EYA2: variants seen among roughly 807,000 people sequenced by gnomAD.
EYA2 encodes protein phosphatase EYA2.
EYA2 carries 31 observed loss-of-function variants against 69.2 expected under a neutral mutation model. That is an observed-to-expected ratio of 0.45 (90% CI 0.34 to 0.60). The LOEUF is 0.60. EYA2 is among the 20% of genes least tolerant of loss of function. The pLI is 0.02. For missense variants in EYA2, 622 were observed against 701.2 expected, an observed-to-expected ratio of 0.89 and a Z score of 1.28; for synonymous variants, 257 against 279.4, an observed-to-expected ratio of 0.92 and a Z score of 0.80.
intron 1 of EYA2, among the ~76,000 whole-genome samples, chr20:46,912,511 A>G (rs936518559): frequency 6.6e-6 from 1 of 152,152 alleles, no homozygotes; most frequent in Non-Finnish European, 1.5e-5. Flanking sequence ...GCAAGCAGCT[A>G]TGTACAAAAC....
At chr20:46,905,864 T>C (rs1269170585) in intron 1 of EYA2, among the ~76,000 whole-genome samples, 1 of 152,198 alleles carries the variant, frequency 6.6e-6, no homozygotes, top group African/African-American at 2.4e-5. Flanking sequence ...ACTGTGGAAT[T>C]GGACCCATTC....
chr20:47,022,655 C>CCTTT (rs1983823906), intron 5 of EYA2, among the ~76,000 whole-genome samples: 1 of 105,592 alleles, frequency 9.5e-6, no homozygotes. Context: ...TAAACTTCAC[C>CCTTT]TTTTTTTTTT....
In EYA2 at chr20:47,170,834, C is replaced by T. The variant is rs920850215; in HGVS notation, c.1037+1637C>T. On this transcript the variant is annotated intron_variant, in intron 11 of 15. Coordinates refer to ENST00000327619, the MANE Select transcript of EYA2 (RefSeq NM_005244.5). ...CCAACTAATGTTTTGGTTACGGGAT[C>T]AGTCATTGTAACTTTATTTAGTAGC... Among the ~76,000 whole-genome samples the T allele has an allele frequency of 3.3e-5, 5 of 152,210 alleles. No homozygotes were observed. In the South Asian group the frequency reaches 8.3e-4, roughly 25 times the overall value.
At chr20:47,068,959 C>T (rs1242061229) in intron 5 of EYA2, among the ~76,000 whole-genome samples, 1 of 152,148 alleles carries the variant, frequency 6.6e-6, no homozygotes, top group South Asian at 2.1e-4. Flanking sequence ...GCTTTAAAAC[C>T]TCTGACAGCA....
At chr20:47,068,453 A>C (rs1302469079) in intron 5 of EYA2, among the ~76,000 whole-genome samples, 1 of 152,148 alleles carries the variant, frequency 6.6e-6, no homozygotes, top group Non-Finnish European at 1.5e-5. Context: ...CCCCATTTGG[A>C]CCATAAAGAA....
At chr20:46,953,825 T>C (rs1388049206) in intron 1 of EYA2, among the ~76,000 whole-genome samples, 2 of 152,184 alleles carry the variant, frequency 1.3e-5, no homozygotes, top group African/African-American at 4.8e-5. Context: ...TGAATAGGCA[T>C]AGATCGCGTG....
At chr20:47,116,712 C>T (rs954389551) in intron 9 of EYA2, among the ~76,000 whole-genome samples, 2 of 152,194 alleles carry the variant, frequency 1.3e-5, no homozygotes, top group Non-Finnish European at 2.9e-5. Flanking sequence ...TCTCACGCTC[C>T]CACTGTGTCA....
intron 2 of EYA2, among the ~76,000 whole-genome samples, chr20:47,001,002 G>A (rs1982331694): frequency 6.6e-6 from 1 of 152,120 alleles, no homozygotes; most frequent in Admixed American, 6.5e-5. Context: ...TTTTGAGGCA[G>A]GGAAGGGAGC....
intron 6 of EYA2, 53 bp downstream of exon 6, chr20:47,072,305 C>T (rs971627102): frequency 1.3e-6 from 2 of 1,534,346 alleles, no homozygotes; most frequent in Non-Finnish European, 1.8e-6. Context: ...GAAATATTCC[C>T]CTTACATCAG....
intron 9 of EYA2, among the ~76,000 whole-genome samples, chr20:47,127,078 C>T (rs2146569543): frequency 6.6e-6 from 1 of 151,482 alleles, no homozygotes; most frequent in East Asian, 1.9e-4. Context: ...GTCCCCACCC[C>T]ACCCCCTCAA....
chr20:47,021,706 G>GGAAC lies in EYA2; in HGVS notation c.415+5410_415+5413dup, dbSNP rs201414271. 3.0e-3 allele frequency among the ~76,000 whole-genome samples: 459 copies of GGAAC among 151,816 alleles called. 5 individuals are homozygous for GGAAC. Among genetic ancestry groups the GGAAC allele is most frequent in the African/African-American group, 0.011 (436 of 41,356 alleles). On this transcript the variant is annotated intron_variant, in intron 5 of 15. Transcript: ENST00000327619. Reference sequence around the variant, plus strand: ...TCTTTTTGCATTTATGAAGGGCCAGGGAACATAAAGACTGAAGCTTAGAAC... The same window carrying GGAAC: ...TCTTTTTGCATTTATGAAGGGCCAGGGAACGAACATAAAGACTGAAGCTTAGAAC...
At chr20:47,072,092 A>T in intron 5 of EYA2, 93 bp from the exon 6 acceptor site, 1 of 1,148,368 alleles carries the variant, frequency 8.7e-7, no homozygotes, top group Non-Finnish European at 1.3e-6. Context: ...CCTTGAAGCC[A>T]CATGGAGGGA....
intron 10 of EYA2, among the ~76,000 whole-genome samples, chr20:47,166,393 T>TTAAA (rs1555806208): frequency 0.037 from 1,270 of 34,516 alleles, 133 homozygotes; most frequent in Admixed American, 0.06. Context: ...CAAGACTGTC[T>TTAAA]AAAAAAAAAA....
intron 1 of EYA2, among the ~76,000 whole-genome samples, chr20:46,911,413 A>G (rs1241463527): frequency 2.0e-5 from 3 of 152,066 alleles, no homozygotes; most frequent in Non-Finnish European, 4.4e-5. Context: ...TCTGCATGGC[A>G]CCCGGGCAGG....
intron 1 of EYA2, among the ~76,000 whole-genome samples, chr20:46,982,775 CT>C (rs10701469): frequency 0.01 from 1,437 of 137,326 alleles, 24 homozygotes; most frequent in East Asian, 0.08. Context: ...CTGTAATTTC[CT>C]TTTTTTTTTT....
intron 9 of EYA2, among the ~76,000 whole-genome samples, chr20:47,112,675 G>C (rs1409679400): frequency 6.6e-6 from 1 of 151,922 alleles, no homozygotes; most frequent in East Asian, 1.9e-4. Flanking sequence ...GCACGTTTGG[G>C]AGTTTACAGT....
At chr20:46,961,554 A>G (rs1030297852) in intron 1 of EYA2, among the ~76,000 whole-genome samples, 8 of 152,196 alleles carry the variant, frequency 5.3e-5, no homozygotes, top group South Asian at 2.1e-4. Flanking sequence ...AATGTTGAGG[A>G]CATATCTGCA....
intron 9 of EYA2, among the ~76,000 whole-genome samples, chr20:47,126,886 C>T (rs917658811): frequency 6.6e-6 from 1 of 152,150 alleles, no homozygotes; most frequent in Admixed American, 6.5e-5. Flanking sequence ...GATGGAACTA[C>T]AACGTGGAAT....
chr20:47,092,401 C>T (rs148061794), intron 8 of EYA2, among the ~76,000 whole-genome samples: 14 of 152,298 alleles, frequency 9.2e-5, no homozygotes, highest in African/African-American at 2.6e-4. Context: ...ACAATCCCTT[C>T]AGTGGGTTTA....
Sources: allele counts gnomAD v4.1 joint callset (sites outside exome capture counted in the v4.1 genomes callset), GRCh38; gene constraint gnomAD v4.1.1; transcripts MANE v1.5; gene names NCBI Gene and HGNC (gene_info 2026-07-23, HGNC 2026-07-21).